CPA6: variants seen among roughly 807,000 people sequenced by gnomAD.
The protein encoded by CPA6 is carboxypeptidase B.
CPA6 carries 58 observed loss-of-function variants against 63.3 expected under a neutral mutation model. The ratio of observed to expected loss-of-function variants is 0.92; its 90% CI spans 0.74 to 1.14. The LOEUF (loss-of-function observed/expected upper bound fraction) is 1.14. CPA6 is among the 50% of genes most tolerant of loss of function. The probability of loss-of-function intolerance (pLI) is 0.00; values close to 1 mark genes in which losing one functional copy is unlikely to be tolerated. For synonymous variants in CPA6, 185 were observed against 179.0 expected (o/e 1.03, Z -0.27); for missense variants, 565 against 526.6 (o/e 1.07, Z -0.71).
intron 2 of CPA6, among the ~76,000 whole-genome samples, chr8:67,542,386 C>G (rs955304252): frequency 6.6e-6 from 1 of 152,190 alleles, no homozygotes. Context: ...GTTTCAGTGG[C>G]TCTTTGAGAA....
chr8:67,688,730 T>C (rs775083752), intron 1 of CPA6, among the ~76,000 whole-genome samples: 15 of 152,224 alleles, frequency 9.9e-5, no homozygotes, highest in Non-Finnish European at 1.9e-4. Flanking sequence ...AATGAATAAT[T>C]TGAATAAAAG....
At chr8:67,617,175 G>C (rs1289415787) in intron 2 of CPA6, among the ~76,000 whole-genome samples, 1 of 152,146 alleles carries the variant, frequency 6.6e-6, no homozygotes, top group Non-Finnish European at 1.5e-5. Flanking sequence ...GATCACTGGG[G>C]TAGATCGTCA....
intron 1 of CPA6, among the ~76,000 whole-genome samples, chr8:67,708,998 T>C (rs1587718173): frequency 6.6e-6 from 1 of 152,126 alleles, no homozygotes; most frequent in Admixed American, 6.6e-5. Context: ...CTGAATCTAG[T>C]GATCAGCAGC....
intron 8 of CPA6, among the ~76,000 whole-genome samples, chr8:67,473,418 T>A (rs758497013): frequency 6.6e-6 from 1 of 152,110 alleles, no homozygotes; most frequent in Non-Finnish European, 1.5e-5. Flanking sequence ...AAAGGTAAGA[T>A]AGTAGCAGTA....
chr8:67,478,029 T>C (rs1002898561), intron 8 of CPA6, among the ~76,000 whole-genome samples: 25 of 152,170 alleles, frequency 1.6e-4, no homozygotes, highest in Admixed American at 1.5e-3. Context: ...AGCTTCAGAA[T>C]GGGGACAGGT....
chr8:67,735,990 T>C lies in CPA6; in HGVS notation c.116+10024A>G, dbSNP rs572407814. Reference sequence around the variant, plus strand: ...TGGAGCTGGGTTTATGGTTCCTTTATGGACTCATCATCCATACCATCAGCT... The same window carrying C: ...TGGAGCTGGGTTTATGGTTCCTTTACGGACTCATCATCCATACCATCAGCT... On this transcript the variant is annotated intron_variant, in intron 1 of 10. Coordinates refer to ENST00000297770, the MANE Select transcript of CPA6 (RefSeq NM_020361.5). 1.2e-3 allele frequency among the ~76,000 whole-genome samples: 190 copies of C among 152,270 alleles called. 2 individuals are homozygous for C. Among genetic ancestry groups the C allele is most frequent in the Non-Finnish European group, 2.2e-3 (150 of 68,022 alleles).
At chr8:67,696,852 T>C (rs146643762) in intron 1 of CPA6, among the ~76,000 whole-genome samples, 2,779 of 152,250 alleles carry the variant, frequency 0.018, 64 homozygotes, top group South Asian at 0.1. Context: ...GACCAGGGGA[T>C]TGACTGGAAA....
At chr8:67,579,795 A>G (rs1813720624) in intron 2 of CPA6, among the ~76,000 whole-genome samples, 1 of 152,268 alleles carries the variant, frequency 6.6e-6, no homozygotes, top group African/African-American at 2.4e-5. Flanking sequence ...AAAGGTTTAT[A>G]GGAACATAGT....
At chr8:67,596,766 G>A (rs981021943) in intron 2 of CPA6, among the ~76,000 whole-genome samples, 2 of 152,184 alleles carry the variant, frequency 1.3e-5, no homozygotes, top group Admixed American at 6.5e-5. Flanking sequence ...TTATTCAGTG[G>A]ACATCTCTCT....
chr8:67,733,846 C>CTTTTTTTTTTTTTTTTTTTTTT, intron 1 of CPA6, among the ~76,000 whole-genome samples: 1 of 94,930 alleles, frequency 1.1e-5, no homozygotes, highest in Non-Finnish European at 2.0e-5. Context: ...GCTGCATCGT[C>CTTTTTTTTTTTTTTTTTTTTTT]TTTTTTTTTT....
At chr8:67,716,650 T>C (rs1307084296) in intron 1 of CPA6, among the ~76,000 whole-genome samples, 1 of 152,228 alleles carries the variant, frequency 6.6e-6, no homozygotes, top group Non-Finnish European at 1.5e-5. Flanking sequence ...AATTTCCTTG[T>C]AGGCAAATTG....
intron 1 of CPA6, among the ~76,000 whole-genome samples, chr8:67,710,415 C>T (rs966814213): frequency 7.7e-6 from 1 of 129,874 alleles, no homozygotes; most frequent in African/African-American, 2.9e-5. Context: ...CCCCCCCCAA[C>T]CCCCCACCCC....
rs767464033 is a variant in CPA6 at position 67,657,227 on chromosome 8, T to C, written c.117-32976A>G. 7.2e-5 allele frequency among the ~76,000 whole-genome samples: 11 copies of C among 152,146 alleles called. No individual in the cohort carries two copies. In the East Asian group the frequency reaches 1.3e-3, roughly 19 times the overall value. ...TCCAGAAAGAAATAGTGATAAAAAA[T>C]ATTAAAAAGGTAACTTAAAAAATGC... On this transcript the variant is annotated intron_variant, in intron 1 of 10. Transcript: ENST00000297770.
chr8:67,626,676 A>C (rs781568167), intron 1 of CPA6, among the ~76,000 whole-genome samples: 1 of 152,130 alleles, frequency 6.6e-6, no homozygotes, highest in African/African-American at 2.4e-5. Context: ...TGGATTCATC[A>C]TACCCTGGCC....
chr8:67,579,323 G>T (rs1331103347), intron 2 of CPA6, among the ~76,000 whole-genome samples: 1 of 152,180 alleles, frequency 6.6e-6, no homozygotes, highest in Non-Finnish European at 1.5e-5. Context: ...TGAGGCAAGA[G>T]AATCACTTGA....
intron 2 of CPA6, among the ~76,000 whole-genome samples, chr8:67,563,224 C>T (rs1207116596): frequency 6.6e-6 from 1 of 151,872 alleles, no homozygotes; most frequent in East Asian, 1.9e-4. Context: ...TTAACTAAAA[C>T]AGAGAGTAAC....
intron 1 of CPA6, among the ~76,000 whole-genome samples, chr8:67,673,098 G>A (rs1362095664): frequency 6.6e-6 from 1 of 152,062 alleles, no homozygotes. Flanking sequence ...CTGTGGAAAA[G>A]AACAAAGGAG....
intron 1 of CPA6, among the ~76,000 whole-genome samples, chr8:67,630,730 G>A (rs1171735014): frequency 6.6e-6 from 1 of 152,224 alleles, no homozygotes; most frequent in African/African-American, 2.4e-5. Context: ...TGGAGGGAGA[G>A]GCACGGGCAG....
chr8:67,613,048 C>T (rs7814309), intron 2 of CPA6, among the ~76,000 whole-genome samples: 56,716 of 152,006 alleles, frequency 0.37, 11,487 homozygotes, highest in East Asian at 0.52. Context: ...TAATGGAAGA[C>T]TGCAGATCTC....
Sources: gnomAD v4.1 joint callset for allele counts (sites outside exome capture counted in the v4.1 genomes callset) on GRCh38, gnomAD v4.1.1 for gene constraint, MANE v1.5 for transcripts, NCBI Gene and HGNC (gene_info 2026-07-23, HGNC 2026-07-21) for gene names.